Variants in LRRC36 observed in about 807,000 individuals in gnomAD.
The protein encoded by LRRC36 is leucine-rich repeat-containing protein 36.
A neutral mutation model predicts 81.1 loss-of-function variants in LRRC36; 62 were observed. The ratio of observed to expected loss-of-function variants is 0.76; its 90% CI spans 0.62 to 0.94. The LOEUF is 0.94. Ranked by LOEUF, LRRC36 falls within the 40% of genes least tolerant of loss-of-function variation. The pLI is 0.00. For synonymous variants in LRRC36, 334 were observed against 348.6 expected, an observed-to-expected ratio of 0.96 and a Z score of 0.47; for missense variants, 761 against 881.7, an observed-to-expected ratio of 0.86 and a Z score of 1.73.
At chr16:67,365,198 A>G in intron 6 of LRRC36, 106 bp from the exon 7 acceptor site, 2 of 664,288 alleles carry the variant, frequency 3.0e-6, no homozygotes, top group Non-Finnish European at 2.7e-6. Context: ...GCTTGCAAGG[A>G]TAGTCTTTCC....
chr16:67,341,298 TATAGA>T (rs2038069717), intron 1 of LRRC36, among the ~76,000 whole-genome samples: 1 of 103,190 alleles, frequency 9.7e-6, no homozygotes, highest in African/African-American at 1.1e-4. Flanking sequence ...ATAGACAGTC[TATAGA>T]CTATAGACTA....
At chr16:67,338,865 ATTTTTTTTTTTTTTTTTTTTTTTTTTTT>A (rs71145967) in intron 1 of LRRC36, among the ~76,000 whole-genome samples, 24 of 45,404 alleles carry the variant, frequency 5.3e-4, no homozygotes, top group East Asian at 1.3e-3. Flanking sequence ...TGGAAGCTGA[ATTTTTTTTTTTTTTTTTTTTTTTTTTTT>A]TTTTTTTTTT....
intron 1 of LRRC36, among the ~76,000 whole-genome samples, chr16:67,333,700 T>C (rs1450370685): frequency 6.6e-6 from 1 of 152,234 alleles, no homozygotes; most frequent in Non-Finnish European, 1.5e-5. Flanking sequence ...TTTTCATTAT[T>C]CATTCATGTT....
Position 67,385,004 on chromosome 16 carries a change from T to G in LRRC36, c.2180T>G (p.Leu727Trp). 4.3e-6 allele frequency: 7 copies of G among 1,614,216 alleles called. No homozygotes were observed. Among genetic ancestry groups the G allele is most frequent in the Non-Finnish European group, 5.9e-6 (7 of 1,180,040 alleles). The stretch of plus-strand genomic sequence containing the variant: ...TCATCGCCCTTTGGGAAAAGCACGT[T>G]GTCTTCCTCCTCACCAGTGGCACAT... The part of the protein sequence containing the change: ...GRSSPFGKST[L>W]SSSSPVAHET... The change falls in exon 14 of 14, where the codon TTG becomes TGG. Residue 727 changes from leucine to tryptophan, a missense_variant. Leu to Trp is a moderately conservative substitution (Grantham distance 61, BLOSUM62 -2). Transcript: ENST00000329956.
chr16:67,383,026 T>G (rs2040168754), intron 13 of LRRC36, among the ~76,000 whole-genome samples: 1 of 134,612 alleles, frequency 7.4e-6, no homozygotes, highest in Admixed American at 8.7e-5. Flanking sequence ...CAAGCCGAGA[T>G]CGCGCCATTG....
chr16:67,370,232 G>A (rs1168354735), intron 8 of LRRC36, among the ~76,000 whole-genome samples: 1 of 152,168 alleles, frequency 6.6e-6, no homozygotes, highest in African/African-American at 2.4e-5. Context: ...TTGCCTCTCA[G>A]GGAAATAAAG....
intron 7 of LRRC36, among the ~76,000 whole-genome samples, chr16:67,366,350 C>T (rs1013883394): frequency 3.3e-5 from 5 of 152,118 alleles, no homozygotes; most frequent in African/African-American, 4.8e-5. Context: ...CACAGTGGCT[C>T]ATGCCTGTAA....
chr16:67,358,461 T>C (rs1032049114), intron 5 of LRRC36, among the ~76,000 whole-genome samples: 3 of 151,764 alleles, frequency 2.0e-5, no homozygotes, highest in African/African-American at 7.3e-5. Flanking sequence ...TCCTGCCTCC[T>C]GAGTAGCAGG....
At chr16:67,379,688 G>C (rs1182783909) in intron 12 of LRRC36, among the ~76,000 whole-genome samples, 2 of 152,214 alleles carry the variant, frequency 1.3e-5, no homozygotes, top group Non-Finnish European at 2.9e-5. Flanking sequence ...CTAGGCAACA[G>C]AGCAAGACTC....
intron 1 of LRRC36, among the ~76,000 whole-genome samples, chr16:67,327,466 C>T (rs558701694): frequency 6.6e-6 from 1 of 152,146 alleles, no homozygotes; most frequent in African/African-American, 2.4e-5. Flanking sequence ...GCACTGCAGC[C>T]TGGGCGACAG....
At chr16:67,378,789 T>G in intron 12 of LRRC36, 77 bp downstream of exon 12, 7 of 1,516,934 alleles carry the variant, frequency 4.6e-6, no homozygotes, top group Non-Finnish European at 6.3e-6. Flanking sequence ...TTAGTAACCT[T>G]CATCATGCTA....
At chr16:67,357,897 G>A (rs888734064) in intron 5 of LRRC36, among the ~76,000 whole-genome samples, 2 of 152,146 alleles carry the variant, frequency 1.3e-5, no homozygotes, top group Non-Finnish European at 1.5e-5. Context: ...GTATGATAAA[G>A]CCTTTTCTCT....
intron 1 of LRRC36, among the ~76,000 whole-genome samples, chr16:67,330,245 C>T (rs1272509110): frequency 6.6e-6 from 1 of 151,584 alleles, no homozygotes; most frequent in Admixed American, 6.6e-5. Flanking sequence ...GTATATGGTG[C>T]CTAGTGTTCT....
intron 13 of LRRC36, among the ~76,000 whole-genome samples, 162 bp from the exon 14 acceptor site, chr16:67,384,708 C>T (rs535480560): frequency 3.3e-5 from 5 of 152,278 alleles, no homozygotes; most frequent in African/African-American, 1.2e-4. Context: ...AATGAAGAAA[C>T]TTTAAGTCTG....
intron 5 of LRRC36, among the ~76,000 whole-genome samples, chr16:67,358,753 G>GA (rs2039017640): frequency 6.6e-6 from 1 of 152,022 alleles, no homozygotes; most frequent in Non-Finnish European, 1.5e-5. Context: ...TTTCTCCAAA[G>GA]AAGATATGCA....
chr16:67,382,901 A>G (rs2040163792), intron 13 of LRRC36, among the ~76,000 whole-genome samples: 1 of 152,146 alleles, frequency 6.6e-6, no homozygotes, highest in Non-Finnish European at 1.5e-5. Flanking sequence ...TACTTTTAGC[A>G]AGATCCCCAG....
chr16:67,361,176 T>C (rs934564330), intron 5 of LRRC36, among the ~76,000 whole-genome samples: 1 of 152,158 alleles, frequency 6.6e-6, no homozygotes, highest in East Asian at 1.9e-4. Context: ...TAGCTGGGAC[T>C]CATGCCACTA....
intron 1 of LRRC36, among the ~76,000 whole-genome samples, chr16:67,339,302 T>C (rs2037918558): frequency 6.6e-6 from 1 of 151,804 alleles, no homozygotes; most frequent in African/African-American, 2.4e-5. Flanking sequence ...CATATTATTA[T>C]GAAAATAATT....
rs2038560372 is a variant in LRRC36 at position 67,350,252 on chromosome 16, C to T, written c.539C>T (p.Ser180Leu). ...TGTGTAACAGGTGAGAGCTCTGCAT[C>T]AAAAGTCAGTGCTAATGTTGACAGC... ...KNCVTGESSA[S>L]KVSANVDSRI... Residue 180 changes from serine to leucine, a missense_variant, in exon 5 of 14, where the codon TCA becomes TTA. This residue lies in a region of LRRC36 where 263 missense variants were observed against 279.3 expected (regional missense o/e 0.94). Coordinates refer to ENST00000329956, the MANE Select transcript of LRRC36 (RefSeq NM_018296.6). 3 of 1,612,798 alleles carry T rather than the reference C, an allele frequency of 1.9e-6. No homozygotes were observed. The highest frequency in any genetic ancestry group is 1.3e-5 in the African/African-American group (1 of 74,572).
Sources: gnomAD v4.1 joint callset for allele counts (sites outside exome capture counted in the v4.1 genomes callset) on GRCh38, gnomAD v4.1.1 for gene constraint, gnomAD v4.1.1 regional missense constraint, MANE v1.5 for transcripts, NCBI Gene and HGNC (gene_info 2026-07-23, HGNC 2026-07-21) for gene names.